The following OXR1 variants were observed in gnomAD, a reference collection of about 807,000 sequenced individuals.
OXR1 encodes the protein oxidation resistance protein 1.
In OXR1, 41 loss-of-function variants were observed where a neutral mutation model predicts 104.6. The observed-to-expected ratio is 0.39, with a 90% CI of 0.31 to 0.51. OXR1 has a LOEUF of 0.51. Among genes scored for constraint, OXR1 ranks in the 20% least tolerant of loss-of-function variants. The pLI is 0.77. For missense variants in OXR1, 955 were observed against 1,031.9 expected (o/e 0.93, Z 1.02); for synonymous variants, 348 against 348.4 (o/e 1.00, Z 0.01).
At chr8:106,430,323 C>T (rs1000628826) in intron 2 of OXR1, among the ~76,000 whole-genome samples, 1 of 152,086 alleles carries the variant, frequency 6.6e-6, no homozygotes, top group Admixed American at 6.6e-5. Flanking sequence ...TTATGTTTAT[C>T]CTGTGCTTTC....
intron 1 of OXR1, among the ~76,000 whole-genome samples, chr8:106,299,406 T>C (rs1021101560): frequency 1.3e-5 from 2 of 152,152 alleles, no homozygotes; most frequent in African/African-American, 4.8e-5. Context: ...GCTGCTACAG[T>C]ATAGTAGCAC....
At chr8:106,338,011 T>A (rs1278084597) in intron 1 of OXR1, among the ~76,000 whole-genome samples, 1 of 152,202 alleles carries the variant, frequency 6.6e-6, no homozygotes, top group African/African-American at 2.4e-5. Context: ...ATATCTGAAG[T>A]TATTTACAAG....
At chr8:106,410,222 A>T (rs1818407542) in intron 2 of OXR1, among the ~76,000 whole-genome samples, 1 of 152,168 alleles carries the variant, frequency 6.6e-6, no homozygotes, top group African/African-American at 2.4e-5. Flanking sequence ...TAGTTTTAAT[A>T]TCCCTTTAAG....
At chr8:106,463,957 T>C (rs1365910126) in intron 2 of OXR1, among the ~76,000 whole-genome samples, 2 of 152,172 alleles carry the variant, frequency 1.3e-5, no homozygotes, top group African/African-American at 4.8e-5. Flanking sequence ...GATACATAAC[T>C]GATTTCACTC....
At chr8:106,522,633 T>C (rs1813345931) in intron 3 of OXR1, 1 of 152,214 alleles carries the variant, frequency 6.6e-6, no homozygotes, top group African/African-American at 2.4e-5. Flanking sequence ...AGGCTGTGGT[T>C]CAGGAAAGAG....
intron 6 of OXR1, among the ~76,000 whole-genome samples, chr8:106,692,033 A>G (rs1189354833): frequency 1.3e-5 from 2 of 151,258 alleles, no homozygotes; most frequent in Non-Finnish European, 3.0e-5. Context: ...ATATATAACT[A>G]TACCTCTAGT....
chr8:106,692,997 G>A (rs1269332682), intron 7 of OXR1, 120 bp downstream of exon 7: 3 of 619,720 alleles, frequency 4.8e-6, no homozygotes, highest in Non-Finnish European at 7.7e-6. Context: ...ATTATAGAAA[G>A]GTACTAGTGA....
At chr8:106,619,785 A>C (rs920837231) in intron 3 of OXR1, among the ~76,000 whole-genome samples, 13 of 152,126 alleles carry the variant, frequency 8.5e-5, no homozygotes, top group African/African-American at 2.9e-4. Context: ...CAGCATTTAT[A>C]TTTAATAAGA....
At chr8:106,694,917 TTA>T (rs1044056842) in intron 7 of OXR1, among the ~76,000 whole-genome samples, 3 of 130,776 alleles carry the variant, frequency 2.3e-5, no homozygotes, top group African/African-American at 8.1e-5. Flanking sequence ...ATTTACATAT[TTA>T]TATATATTTA....
chr8:106,340,160 A>G (rs1337244767), intron 1 of OXR1, among the ~76,000 whole-genome samples: 2 of 151,872 alleles, frequency 1.3e-5, no homozygotes, highest in Non-Finnish European at 2.9e-5. Flanking sequence ...CGGTTTTTGT[A>G]CTATAGTGAT....
rs2131412438 is a variant in OXR1, at chr8:106,713,983, G to A, written c.1954G>A (p.Glu652Lys). The part of the protein sequence containing the change: ...SSNQAAAREW[E>K]VVSVAEYHRR... ...TAATCAAGCAGCAGCCAGAGAATGG[G>A]AGGTAAGGAGAAAAATATGAAGATT... Residue 652 changes from glutamate (E) to lysine (K), a missense_variant and splice_region_variant, in exon 11 of 17, where the codon GAG becomes AAG. This residue lies in a region of OXR1 where 849 missense variants were observed against 852.9 expected (regional missense o/e 1.00). Transcript: ENST00000517566. 3 of 1,561,456 alleles carry A rather than the reference G, an allele frequency of 1.9e-6. No homozygotes were observed. Among genetic ancestry groups the A allele is most frequent in the Non-Finnish European group, 2.6e-6 (3 of 1,160,126 alleles).
intron 3 of OXR1, among the ~76,000 whole-genome samples, chr8:106,667,941 G>A (rs1402734068): frequency 2.7e-5 from 4 of 150,532 alleles, no homozygotes; most frequent in Non-Finnish European, 5.9e-5. Flanking sequence ...ATTCCTAAGG[G>A]GTGTGTCTAA....
At chr8:106,308,239 G>C (rs1427400840) in intron 1 of OXR1, among the ~76,000 whole-genome samples, 1 of 152,084 alleles carries the variant, frequency 6.6e-6, no homozygotes, top group Non-Finnish European at 1.5e-5. Context: ...TAATGTCCCA[G>C]GTTGTCAGAA....
intron 1 of OXR1, among the ~76,000 whole-genome samples, chr8:106,319,689 A>T (rs1192889414): frequency 1.3e-5 from 2 of 152,232 alleles, no homozygotes; most frequent in Admixed American, 1.3e-4. Flanking sequence ...CGTAGGCAGC[A>T]TTCTGAGGGA....
intron 3 of OXR1, among the ~76,000 whole-genome samples, chr8:106,574,578 A>G (rs1001287753): frequency 6.6e-6 from 1 of 152,256 alleles, no homozygotes; most frequent in East Asian, 1.9e-4. Context: ...ATCTTCATAG[A>G]AAAAGGTGAG....
At chr8:106,667,352 G>A (rs1826447433) in intron 3 of OXR1, among the ~76,000 whole-genome samples, 1 of 152,172 alleles carries the variant, frequency 6.6e-6, no homozygotes, top group Admixed American at 6.5e-5. Context: ...AACTCTTGCT[G>A]AATTTAGCAG....
chr8:106,651,959 A>T (rs3110436), intron 3 of OXR1, among the ~76,000 whole-genome samples: 135,437 of 152,190 alleles, frequency 0.89, 60,300 homozygotes, highest in East Asian at 0.96. Flanking sequence ...TTTTTCAGTA[A>T]ATGTCTTGCT....
intron 1 of OXR1, among the ~76,000 whole-genome samples, chr8:106,334,397 C>A (rs949201835): frequency 2.0e-5 from 3 of 152,084 alleles, no homozygotes; most frequent in Non-Finnish European, 4.4e-5. Context: ...AGTATTTTTA[C>A]TTTTTCCTCT....
Position 106,359,602 on chromosome 8 carries a change from C to A in OXR1, c.-12C>A. The A allele has an allele frequency of 6.5e-7, 1 of 1,548,202 alleles. No individual in the cohort carries two copies. Among genetic ancestry groups the A allele is most frequent in the Non-Finnish European group, 8.7e-7 (1 of 1,143,536 alleles). On this transcript the variant is annotated 5_prime_UTR_variant, in exon 2 of 17. Transcript: ENST00000517566. ...CTGGAATCGAGAGAAGACTCCTCAA[C>A]AAGTTGCTGCAATGTCTGTGTCTAA... is the stretch of plus-strand genomic sequence containing the variant.
Sources: gnomAD v4.1 joint callset for allele counts (sites outside exome capture counted in the v4.1 genomes callset) on GRCh38, gnomAD v4.1.1 for gene constraint, gnomAD v4.1.1 regional missense constraint, MANE v1.5 for transcripts, NCBI Gene and HGNC (gene_info 2026-07-23, HGNC 2026-07-21) for gene names.